SRBD1: variants seen among roughly 807,000 people sequenced by gnomAD.
SRBD1 encodes the protein S1 RNA-binding domain-containing protein 1.
In SRBD1, 88 loss-of-function variants were observed where a neutral mutation model predicts 115.3. That is an observed-to-expected ratio of 0.76 (90% CI 0.64 to 0.91). The LOEUF is 0.91. Ranked by LOEUF, SRBD1 falls within the 40% of genes least tolerant of loss-of-function variation. The pLI, the probability that SRBD1 is intolerant of heterozygous loss-of-function variation, is 0.00. For missense variants in SRBD1, 1,385 were observed against 1,177.4 expected (o/e 1.18, Z -2.58); for synonymous variants, 509 against 407.7 (o/e 1.25, Z -2.99).
intron 15 of SRBD1, among the ~76,000 whole-genome samples, chr2:45,487,191 C>G (rs1018870923): frequency 9.2e-5 from 14 of 152,118 alleles, no homozygotes; most frequent in African/African-American, 2.9e-4. Context: ...ATTTCAAGAA[C>G]AGCCGATGAA....
chr2:45,489,543 T>A (rs1670229006), intron 14 of SRBD1, among the ~76,000 whole-genome samples: 1 of 152,172 alleles, frequency 6.6e-6, no homozygotes, highest in African/African-American at 2.4e-5. Context: ...CTCTCTTAAA[T>A]TTAAATAGAA....
chr2:45,602,026 T>C lies in SRBD1; in HGVS notation c.138A>G (p.Lys46=), dbSNP rs759562713. 1 of 1,614,180 alleles carries C rather than the reference T, an allele frequency of 6.2e-7. No individual in the cohort carries two copies. Among genetic ancestry groups the C allele is most frequent in the South Asian group, 1.1e-5 (1 of 91,074 alleles). ...GGGGCTGTTTACGGCTTCTGGGAAC[T>C]TTCTTTTGGGGCTCCCAGGCACTAT... ...KEDSAWEPQK[K]VPRSRKQPPP... is the part of the protein sequence containing the mutation. Residue 46 remains lysine (K), a synonymous_variant, in exon 3 of 21, where the codon AAA becomes AAG. Coordinates refer to ENST00000263736, the MANE Select transcript of SRBD1 (RefSeq NM_018079.5).
At chr2:45,429,724 C>A (rs1668273164) in intron 16 of SRBD1, among the ~76,000 whole-genome samples, 1 of 152,150 alleles carries the variant, frequency 6.6e-6, no homozygotes, top group African/African-American at 2.4e-5. Flanking sequence ...CCTTTGAAAA[C>A]CAGCACAAGA....
intron 14 of SRBD1, among the ~76,000 whole-genome samples, chr2:45,540,150 G>T (rs184498801): frequency 6.6e-6 from 1 of 152,178 alleles, no homozygotes; most frequent in Admixed American, 6.5e-5. Flanking sequence ...AGACCAGCCT[G>T]ACCAACACAG....
chr2:45,516,862 A>G (rs989647607), intron 14 of SRBD1, among the ~76,000 whole-genome samples: 3 of 152,226 alleles, frequency 2.0e-5, no homozygotes, highest in Non-Finnish European at 4.4e-5. Flanking sequence ...TGGTTAACAC[A>G]GAATATATTA....
Position 45,418,555 on chromosome 2 carries a change from A to T in SRBD1, c.2157-14T>A. The T allele has an allele frequency of 1.3e-6, 2 of 1,589,822 alleles. No homozygotes were observed. The highest frequency in any genetic ancestry group is 1.7e-6 in the Non-Finnish European group (2 of 1,173,104). ...CCTGCAATATGCCTAGAAAAAAAAA[A>T]TAAGCAAACTGAAAAAAAGATCTCA... On this transcript the variant is annotated splice_polypyrimidine_tract_variant and intron_variant, in intron 17 of 20. Transcript: ENST00000263736.
intron 16 of SRBD1, among the ~76,000 whole-genome samples, chr2:45,439,017 C>G (rs981022515): frequency 1.3e-5 from 2 of 151,992 alleles, no homozygotes; most frequent in African/African-American, 4.8e-5. Context: ...GGAGGAACAA[C>G]AATATGAGTA....
chr2:45,520,354 G>C (rs548941227), intron 14 of SRBD1, among the ~76,000 whole-genome samples: 44 of 152,350 alleles, frequency 2.9e-4, no homozygotes, highest in African/African-American at 9.4e-4. Context: ...CCAGGCAGTA[G>C]TGTGAGAATA....
intron 16 of SRBD1, among the ~76,000 whole-genome samples, chr2:45,451,325 G>T (rs1668986501): frequency 2.0e-5 from 3 of 152,044 alleles, no homozygotes; most frequent in African/African-American, 7.2e-5. Flanking sequence ...CTTTACGGGG[G>T]TGAAATTATT....
At chr2:45,571,516 C>CCAAAAAAAAA (rs1673009751) in intron 9 of SRBD1, among the ~76,000 whole-genome samples, 1 of 42,468 alleles carries the variant, frequency 2.4e-5, no homozygotes, top group Non-Finnish European at 4.0e-5. Context: ...CCAGACTTTA[C>CCAAAAAAAAA]CAAAAAAAAA....
At chr2:45,546,563 C>G (rs572400947) in intron 14 of SRBD1, among the ~76,000 whole-genome samples, 169 bp downstream of exon 14, 5 of 152,272 alleles carry the variant, frequency 3.3e-5, no homozygotes, top group South Asian at 2.1e-4. Flanking sequence ...CAAATTTCTC[C>G]AAGAGTCAGA....
intron 4 of SRBD1, among the ~76,000 whole-genome samples, chr2:45,589,040 C>T (rs993249804): frequency 2.0e-5 from 3 of 152,202 alleles, no homozygotes; most frequent in African/African-American, 4.8e-5. Context: ...TTCCCTCCCC[C>T]CTCAAGCTCT....
intron 16 of SRBD1, among the ~76,000 whole-genome samples, chr2:45,435,177 T>C (rs1259893370): frequency 6.6e-6 from 1 of 152,192 alleles, no homozygotes; most frequent in Non-Finnish European, 1.5e-5. Flanking sequence ...CTATCACTGA[T>C]GGACATCTGG....
At chr2:45,452,812 C>A (rs780501834) in intron 16 of SRBD1, among the ~76,000 whole-genome samples, 2 of 151,900 alleles carry the variant, frequency 1.3e-5, no homozygotes, top group South Asian at 2.1e-4. Context: ...AAGTTGGTTA[C>A]CAGTTGTCAC....
At chr2:45,529,690 C>T (rs1224136146) in intron 14 of SRBD1, among the ~76,000 whole-genome samples, 1 of 151,868 alleles carries the variant, frequency 6.6e-6, no homozygotes, top group Non-Finnish European at 1.5e-5. Flanking sequence ...GTTAGGGATT[C>T]CCCAAATAGG....
intron 14 of SRBD1, 120 bp from the exon 15 acceptor site, chr2:45,488,451 C>T: frequency 1.5e-6 from 1 of 683,808 alleles, no homozygotes. Context: ...CTGTTCTCTT[C>T]ATATCTCAAT....
intron 16 of SRBD1, among the ~76,000 whole-genome samples, chr2:45,465,070 G>T (rs887885492): frequency 1.3e-5 from 2 of 149,690 alleles, no homozygotes; most frequent in Admixed American, 6.7e-5. Context: ...CTGGTATGGG[G>T]GATTTTTTCT....
At chr2:45,487,314 CT>C (rs1670151506) in intron 15 of SRBD1, among the ~76,000 whole-genome samples, 1 of 152,158 alleles carries the variant, frequency 6.6e-6, no homozygotes, top group African/African-American at 2.4e-5. Context: ...TAACATATTG[CT>C]TATGATACCA....
chr2:45,493,765 C>T (rs932472975), intron 14 of SRBD1, among the ~76,000 whole-genome samples: 3 of 150,984 alleles, frequency 2.0e-5, no homozygotes, highest in African/African-American at 4.9e-5. Context: ...GAGCCAAGAT[C>T]GCGCCACTGC....
Sources: gnomAD v4.1 joint callset for allele counts (sites outside exome capture counted in the v4.1 genomes callset) on GRCh38, gnomAD v4.1.1 for gene constraint, MANE v1.5 for transcripts, NCBI Gene and HGNC (gene_info 2026-07-23, HGNC 2026-07-21) for gene names.